The following PCDH15 variants were observed in gnomAD, a reference collection of about 807,000 sequenced individuals.
PCDH15 encodes the protein protocadherin related 15, also known as protocadherin-15.
A neutral mutation model predicts 178.5 loss-of-function variants in PCDH15; 129 were observed. The ratio of observed to expected loss-of-function variants is 0.72; its 90% CI spans 0.63 to 0.84. PCDH15 has a LOEUF of 0.84. Ranked by LOEUF, PCDH15 falls within the 40% of genes least tolerant of loss-of-function variation. The probability of loss-of-function intolerance (pLI) is 0.00; values close to 1 mark genes in which losing one functional copy is unlikely to be tolerated. For synonymous variants in PCDH15, 800 were observed against 732.0 expected (o/e 1.09, Z -1.50); for missense variants, 2,230 against 2,099.9 (o/e 1.06, Z -1.21).
intron 1 of PCDH15, among the ~76,000 whole-genome samples, chr10:55,176,863 T>C (rs746420008): frequency 5.3e-5 from 8 of 152,128 alleles, no homozygotes; most frequent in Non-Finnish European, 1.0e-4. Flanking sequence ...CCCAGCTAAC[T>C]TGGATGGTAT....
chr10:54,815,256 A>T (rs1055657685), intron 3 of PCDH15, among the ~76,000 whole-genome samples: 4 of 152,072 alleles, frequency 2.6e-5, no homozygotes, highest in African/African-American at 4.8e-5. Flanking sequence ...ATATGTAGCT[A>T]CTAGTCTATT....
At chr10:54,545,569 GGGAA>G (rs970953340) in intron 2 of PCDH15, among the ~76,000 whole-genome samples, 7 of 151,732 alleles carry the variant, frequency 4.6e-5, no homozygotes, top group South Asian at 4.2e-4. Context: ...CAAGGAAGGA[GGGAA>G]GGAAGGAAGG....
chr10:54,086,039 G>A (rs997561850), intron 16 of PCDH15, among the ~76,000 whole-genome samples: 56 of 151,982 alleles, frequency 3.7e-4, no homozygotes, highest in Admixed American at 3.3e-3. Context: ...TTTTTTTAGC[G>A]TACCTGTCTT....
At chr10:55,495,401 T>A (rs911998277) in intron 2 of PCDH15, among the ~76,000 whole-genome samples, 2 of 151,646 alleles carry the variant, frequency 1.3e-5, no homozygotes, top group African/African-American at 4.8e-5. Flanking sequence ...CAAAGAATTA[T>A]CAGAACTCAA....
At chr10:54,522,172 A>C (rs1026648471) in intron 3 of PCDH15, among the ~76,000 whole-genome samples, 1 of 151,328 alleles carries the variant, frequency 6.6e-6, no homozygotes, top group Admixed American at 6.6e-5. Context: ...TTGAATTTTT[A>C]ATTATGCGCT....
chr10:53,816,583 A>T (rs1257722264), intron 34 of PCDH15, among the ~76,000 whole-genome samples: 3 of 152,176 alleles, frequency 2.0e-5, no homozygotes, highest in African/African-American at 7.2e-5. Flanking sequence ...CACAGTACAA[A>T]GAGTTATTTA....
chr10:55,137,980 CT>C (rs529300812), intron 2 of PCDH15, among the ~76,000 whole-genome samples: 14 of 152,182 alleles, frequency 9.2e-5, no homozygotes, highest in Non-Finnish European at 1.5e-4. Flanking sequence ...GCCTGAAAAC[CT>C]GTCACTTGTA....
intron 3 of PCDH15, among the ~76,000 whole-genome samples, chr10:54,389,816 G>T (rs1482604354): frequency 6.6e-6 from 1 of 151,940 alleles, no homozygotes; most frequent in Non-Finnish European, 1.5e-5. Context: ...ACCAGGCATG[G>T]TGGTGGGCGC....
intron 3 of PCDH15, among the ~76,000 whole-genome samples, chr10:54,513,673 T>G (rs1278954895): frequency 1.3e-5 from 2 of 152,198 alleles, no homozygotes; most frequent in Non-Finnish European, 2.9e-5. Context: ...TTAAAAAATC[T>G]TAATCATATT....
chr10:54,367,488 GAGGGATCC>G (rs1589062790), intron 5 of PCDH15, among the ~76,000 whole-genome samples: 1 of 151,990 alleles, frequency 6.6e-6, no homozygotes, highest in East Asian at 1.9e-4. Flanking sequence ...GAACTATGAA[GAGGGATCC>G]AGGGGCAGTT....
At position 55,440,265 on chromosome 10, in the gene PCDH15, A is replaced by T. The variant is rs987463125; in HGVS notation, c.-156+187360T>A. On this transcript the variant is annotated intron_variant, in intron 2 of 5. Coordinates refer to the PCDH15 transcript ENST00000613346. ...ACAGCTGTGAGGAATACTCTTCATA[A>T]TGTCAAACAATTAAAATAAATAAAA... 5.3e-5 allele frequency among the ~76,000 whole-genome samples: 8 copies of T among 152,306 alleles called. No homozygotes were observed. The East Asian group carries it at 9.6e-4, about 18-fold the overall frequency.
At chr10:54,342,228 T>C (rs895004108) in intron 6 of PCDH15, among the ~76,000 whole-genome samples, 1 of 152,110 alleles carries the variant, frequency 6.6e-6, no homozygotes, top group South Asian at 2.1e-4. Context: ...ATCACAGGCC[T>C]GGAGGCCTAG....
chr10:54,503,293 AAAT>A (rs1225216488), intron 3 of PCDH15, among the ~76,000 whole-genome samples: 4 of 144,486 alleles, frequency 2.8e-5, no homozygotes, highest in Non-Finnish European at 6.1e-5. Context: ...ATAATATATA[AAAT>A]ATTATATAAT....
intron 2 of PCDH15, among the ~76,000 whole-genome samples, chr10:55,134,921 T>C (rs1838148199): frequency 6.6e-6 from 1 of 152,194 alleles, no homozygotes; most frequent in Non-Finnish European, 1.5e-5. Context: ...TAAGATAGAT[T>C]TGGTGTGTTT....
chr10:54,766,799 G>A (rs1422770129), intron 1 of PCDH15, among the ~76,000 whole-genome samples: 1 of 151,926 alleles, frequency 6.6e-6, no homozygotes, highest in East Asian at 1.9e-4. Context: ...CGCGGTGGCA[G>A]GCGCCTGTAA....
At chr10:55,040,593 A>G (rs1174132089) in intron 2 of PCDH15, among the ~76,000 whole-genome samples, 1 of 152,268 alleles carries the variant, frequency 6.6e-6, no homozygotes, top group African/African-American at 2.4e-5. Context: ...CTCTTTTTCC[A>G]TAGGGAAGAC....
At chr10:54,896,028 AGGTGC>A (rs1954539019) in intron 3 of PCDH15, among the ~76,000 whole-genome samples, 5 of 151,898 alleles carry the variant, frequency 3.3e-5, no homozygotes, top group Admixed American at 3.3e-4. Context: ...CCAGGACTAG[AGGTGC>A]GTGTCACCAC....
intron 17 of PCDH15, 71 bp from the exon 18 acceptor site, chr10:54,066,956 C>T: frequency 6.8e-7 from 1 of 1,472,990 alleles, no homozygotes; most frequent in Non-Finnish European, 9.4e-7. Flanking sequence ...AGTAGTCATT[C>T]TGGCATTTGT....
intron 3 of PCDH15, among the ~76,000 whole-genome samples, chr10:54,464,295 T>G (rs1407886211): frequency 6.6e-6 from 1 of 152,008 alleles, no homozygotes; most frequent in Non-Finnish European, 1.5e-5. Context: ...CAAAAGGAGA[T>G]TTTAATATTG....
Sources: gnomAD v4.1 joint callset for allele counts (sites outside exome capture counted in the v4.1 genomes callset) on GRCh38, gnomAD v4.1.1 for gene constraint, MANE v1.5 for transcripts, NCBI Gene and HGNC (gene_info 2026-07-23, HGNC 2026-07-21) for gene names.